ASPH: variants seen among roughly 807,000 people sequenced by gnomAD.
The protein encoded by ASPH is aspartate beta-hydroxylase.
ASPH carries 100 observed loss-of-function variants against 118.4 expected under a neutral mutation model. The observed-to-expected ratio is 0.84, with a 90% CI of 0.72 to 1.00. ASPH has a LOEUF of 1.00. Ranked by LOEUF, ASPH falls within the 50% of genes least tolerant of loss-of-function variation. The pLI is 0.00. For synonymous variants in ASPH, 315 were observed against 325.6 expected (o/e 0.97, Z 0.35); for missense variants, 920 against 919.5 (o/e 1.00, Z -0.01).
At chr8:61,609,113 C>A (rs1215985492) in intron 14 of ASPH, among the ~76,000 whole-genome samples, 1 of 152,138 alleles carries the variant, frequency 6.6e-6, no homozygotes, top group Non-Finnish European at 1.5e-5. Context: ...ACCACGAGTG[C>A]GGCTGCTCTC....
intron 14 of ASPH, among the ~76,000 whole-genome samples, chr8:61,596,983 T>C (rs1445698863): frequency 5.3e-5 from 8 of 151,408 alleles, no homozygotes; most frequent in African/African-American, 1.9e-4. Flanking sequence ...CAGAGATAAA[T>C]GACACAAAAA....
chr8:61,583,913 C>CA, intron 15 of ASPH, 31 bp downstream of exon 15: 1 of 1,417,674 alleles, frequency 7.1e-7, no homozygotes, highest in South Asian at 1.3e-5. Context: ...TATTTAACAA[C>CA]AAAACCATTG....
chr8:61,633,918 G>T (rs537323497), intron 12 of ASPH, among the ~76,000 whole-genome samples, 191 bp from the exon 13 acceptor site: 1 of 152,118 alleles, frequency 6.6e-6, no homozygotes, highest in African/African-American at 2.4e-5. Flanking sequence ...GCAAAATGTT[G>T]TGTATTTCTC....
intron 21 of ASPH, among the ~76,000 whole-genome samples, chr8:61,544,892 A>G (rs1823229646): frequency 6.6e-6 from 1 of 152,218 alleles, no homozygotes; most frequent in Non-Finnish European, 1.5e-5. Context: ...TATTCCTAGA[A>G]GAAGTGACAA....
chr8:61,593,690 T>C (rs1841809664), intron 14 of ASPH, among the ~76,000 whole-genome samples: 1 of 152,198 alleles, frequency 6.6e-6, no homozygotes. Flanking sequence ...ACTCCCCTTC[T>C]AGAGTAATAA....
At chr8:61,556,964 A>T (rs1283638932) in intron 18 of ASPH, among the ~76,000 whole-genome samples, 1 of 152,210 alleles carries the variant, frequency 6.6e-6, no homozygotes, top group Admixed American at 6.5e-5. Flanking sequence ...CACACTGCAG[A>T]TGCTGTAGCA....
intron 1 of ASPH, among the ~76,000 whole-genome samples, chr8:61,695,647 C>T (rs1352451441): frequency 6.6e-6 from 1 of 152,220 alleles, no homozygotes; most frequent in East Asian, 1.9e-4. Context: ...ACTTAGACAA[C>T]TATACAACAA....
chr8:61,616,864 G>T (rs1260057856), intron 14 of ASPH, among the ~76,000 whole-genome samples: 2 of 152,198 alleles, frequency 1.3e-5, no homozygotes, highest in East Asian at 3.8e-4. Context: ...TCCCTACTGG[G>T]ATGTGAGTTC....
chr8:61,611,284 C>A (rs1847274979), intron 14 of ASPH, among the ~76,000 whole-genome samples: 1 of 152,234 alleles, frequency 6.6e-6, no homozygotes, highest in Non-Finnish European at 1.5e-5. Flanking sequence ...TGTATACTCT[C>A]ATAATGCAGG....
intron 5 of ASPH, among the ~76,000 whole-genome samples, chr8:61,650,634 C>T (rs987070618): frequency 2.6e-5 from 4 of 152,134 alleles, no homozygotes; most frequent in Non-Finnish European, 4.4e-5. Flanking sequence ...TTAGTGCAAC[C>T]TATGTAATTA....
At chr8:61,614,605 C>A (rs1039417256) in intron 14 of ASPH, among the ~76,000 whole-genome samples, 1 of 152,150 alleles carries the variant, frequency 6.6e-6, no homozygotes, top group African/African-American at 2.4e-5. Context: ...GTAGCTGGGA[C>A]TACAGGCGCA....
intron 3 of ASPH, among the ~76,000 whole-genome samples, chr8:61,678,609 A>G (rs994399489): frequency 3.9e-5 from 6 of 152,142 alleles, no homozygotes; most frequent in African/African-American, 1.2e-4. Context: ...CCCCAAATTT[A>G]TAAGATTTAG....
chr8:61,696,091 C>T (rs1833865685), intron 1 of ASPH, among the ~76,000 whole-genome samples: 1 of 152,106 alleles, frequency 6.6e-6, no homozygotes, highest in Non-Finnish European at 1.5e-5. Flanking sequence ...GAATTCCTCC[C>T]TGATTGATCT....
At chr8:61,610,024 G>T (rs1207261867) in intron 14 of ASPH, among the ~76,000 whole-genome samples, 2 of 152,166 alleles carry the variant, frequency 1.3e-5, no homozygotes, top group Admixed American at 6.5e-5. Flanking sequence ...TTGAAGGAGT[G>T]TCACATCTTC....
At chr8:61,686,389 G>C (rs1830544911) in intron 1 of ASPH, among the ~76,000 whole-genome samples, 1 of 151,940 alleles carries the variant, frequency 6.6e-6, no homozygotes, top group South Asian at 2.1e-4. Context: ...TTTATGTGTT[G>C]TAAGCATATA....
chr8:61,527,907 T>C (rs1422049008), intron 21 of ASPH, among the ~76,000 whole-genome samples: 8 of 152,226 alleles, frequency 5.3e-5, no homozygotes, highest in African/African-American at 1.7e-4. Context: ...CAAAAACTGT[T>C]CTTTGACTTG....
chr8:61,548,660 C>T (rs1444242964), intron 20 of ASPH, among the ~76,000 whole-genome samples: 1 of 152,146 alleles, frequency 6.6e-6, no homozygotes, highest in Non-Finnish European at 1.5e-5. Flanking sequence ...AGCTTCTTTT[C>T]ACATGTACTT....
chr8:61,507,123 C>CA (rs1806909206), intron 24 of ASPH, among the ~76,000 whole-genome samples: 2 of 152,128 alleles, frequency 1.3e-5, no homozygotes, highest in African/African-American at 2.4e-5. Context: ...CTTAAGCATT[C>CA]CATTCATTAA....
chr8:61,584,083 T>C (rs2132545372), intron 14 of ASPH, 54 bp from the exon 15 acceptor site: 1 of 1,159,912 alleles, frequency 8.6e-7, no homozygotes. Flanking sequence ...GAAATAGTTA[T>C]TAAGCATAAC....
Sources: gnomAD v4.1 joint callset for allele counts (sites outside exome capture counted in the v4.1 genomes callset) on GRCh38, gnomAD v4.1.1 for gene constraint, MANE v1.5 for transcripts, NCBI Gene and HGNC (gene_info 2026-07-23, HGNC 2026-07-21) for gene names.